Variants in COL5A2 observed in about 807,000 individuals in gnomAD.
COL5A2 encodes collagen alpha-2(V) chain.
In COL5A2, 23 loss-of-function variants were observed where a neutral mutation model predicts 208.2. That is an observed-to-expected ratio of 0.11 (90% confidence interval 0.08 to 0.16). The LOEUF is 0.16. Ranked by LOEUF, COL5A2 falls within the 10% of genes least tolerant of loss-of-function variation. The pLI, the probability that COL5A2 is intolerant of heterozygous loss-of-function variation, is 1.00. For missense variants in COL5A2, 1,590 were observed against 1,956.4 expected (o/e 0.81, Z 3.53); for synonymous variants, 625 against 628.5 (o/e 0.99, Z 0.08).
chr2:189,429,101 C>A, the COL5A2 span, among the ~76,000 whole-genome samples: 56 of 152,188 alleles, frequency 3.7e-4, no homozygotes, highest in East Asian at 0.01. Context: ...CTAAGAGAGT[C>A]AATGTTAAGT....
At chr2:189,367,753 G>A in the COL5A2 span, among the ~76,000 whole-genome samples, 1 of 152,164 alleles carries the variant, frequency 6.6e-6, no homozygotes, top group African/African-American at 2.4e-5. Context: ...TCAGATGTGT[G>A]TAATTCATCT....
At chr2:189,403,364 C>T in the COL5A2 span, among the ~76,000 whole-genome samples, 3 of 152,176 alleles carry the variant, frequency 2.0e-5, no homozygotes, top group Non-Finnish European at 2.9e-5. Context: ...AATGGTGATA[C>T]TTTGACTTCC....
intron 3 of COL5A2, among the ~76,000 whole-genome samples, chr2:189,103,023 G>T (rs1477802756): frequency 6.6e-6 from 1 of 151,978 alleles, no homozygotes; most frequent in African/African-American, 2.4e-5. Context: ...CTCTAAGTCG[G>T]GTAACTGCTA....
chr2:189,157,941 A>T (rs1461058715), intron 1 of COL5A2, among the ~76,000 whole-genome samples: 1 of 151,936 alleles, frequency 6.6e-6, no homozygotes, highest in East Asian at 1.9e-4. Flanking sequence ...CATTCTACAC[A>T]TCTGTGTTTT....
chr2:189,281,557 T>C, the COL5A2 span, among the ~76,000 whole-genome samples: 5 of 152,234 alleles, frequency 3.3e-5, no homozygotes, highest in Non-Finnish European at 5.9e-5. Flanking sequence ...CCAACTCATC[T>C]TCATGTTTGA....
chr2:189,321,182 G>A, the COL5A2 span, among the ~76,000 whole-genome samples: 1 of 152,166 alleles, frequency 6.6e-6, no homozygotes, highest in Non-Finnish European at 1.5e-5. Flanking sequence ...AACATGGAGA[G>A]GAACAACCAG....
At chr2:189,152,532 G>C (rs887089460) in intron 1 of COL5A2, among the ~76,000 whole-genome samples, 3 of 152,206 alleles carry the variant, frequency 2.0e-5, no homozygotes, top group Non-Finnish European at 4.4e-5. Context: ...GTGGAACACA[G>C]TCAGGTGTCC....
intron 3 of COL5A2, among the ~76,000 whole-genome samples, chr2:189,101,547 T>C (rs375722751): frequency 6.6e-6 from 1 of 152,124 alleles, no homozygotes. Context: ...TAATACCTTA[T>C]GATATGTTTT....
chr2:189,376,641 A>G, the COL5A2 span, among the ~76,000 whole-genome samples: 2 of 152,188 alleles, frequency 1.3e-5, no homozygotes, highest in Non-Finnish European at 2.9e-5. Context: ...CCTAATATAG[A>G]AAGGTTTGTA....
the COL5A2 span, among the ~76,000 whole-genome samples, chr2:189,370,650 C>T: frequency 6.6e-6 from 1 of 152,076 alleles, no homozygotes; most frequent in Non-Finnish European, 1.5e-5. Flanking sequence ...GCACATACAA[C>T]ACATACAACA....
chr2:189,390,581 T>C, the COL5A2 span, among the ~76,000 whole-genome samples: 1 of 152,122 alleles, frequency 6.6e-6, no homozygotes, highest in Admixed American at 6.6e-5. Flanking sequence ...GGTTATGAGA[T>C]AAAGGCAACA....
At chr2:189,162,064 T>C (rs1032392139) in intron 1 of COL5A2, among the ~76,000 whole-genome samples, 1 of 152,086 alleles carries the variant, frequency 6.6e-6, no homozygotes. Flanking sequence ...GGGGAGGCCT[T>C]CCCTGAGCTC....
the COL5A2 span, among the ~76,000 whole-genome samples, chr2:189,433,138 AC>A: frequency 1.3e-5 from 2 of 152,244 alleles, no homozygotes; most frequent in Non-Finnish European, 2.9e-5. Context: ...ACCAATGAGA[AC>A]AAAGATAAAA....
chr2:189,231,610 T>C, the COL5A2 span, among the ~76,000 whole-genome samples: 1 of 151,844 alleles, frequency 6.6e-6, no homozygotes, highest in African/African-American at 2.4e-5. Flanking sequence ...GAGTATCTTT[T>C]TTGTCTGATA....
chr2:189,195,212 C>T (rs1688984779), intron 1 of COL5A2, among the ~76,000 whole-genome samples: 1 of 152,150 alleles, frequency 6.6e-6, no homozygotes, highest in Non-Finnish European at 1.5e-5. Flanking sequence ...AACTCCCATT[C>T]ACAATTGCTA....
the COL5A2 span, among the ~76,000 whole-genome samples, chr2:189,404,159 A>C: frequency 6.6e-6 from 1 of 152,194 alleles, no homozygotes; most frequent in Non-Finnish European, 1.5e-5. Context: ...TGACTGAGCT[A>C]AGGAATGCCC....
chr2:189,076,172 A>G (rs945790234), intron 16 of COL5A2, among the ~76,000 whole-genome samples: 3 of 152,192 alleles, frequency 2.0e-5, no homozygotes, highest in South Asian at 4.1e-4. Context: ...ACAGTTTCTA[A>G]GAGCACTCAC....
the COL5A2 span, among the ~76,000 whole-genome samples, chr2:189,336,876 A>C: frequency 5.9e-5 from 9 of 152,338 alleles, no homozygotes; most frequent in South Asian, 2.1e-4. Context: ...AATAAACATA[A>C]AAAAACGTAA....
At chr2:189,145,490 T>C (rs941211371) in intron 1 of COL5A2, among the ~76,000 whole-genome samples, 4 of 152,098 alleles carry the variant, frequency 2.6e-5, no homozygotes, top group Non-Finnish European at 5.9e-5. Context: ...AATATCTAAT[T>C]TACAATTATG....
Sources: gnomAD v4.1 joint callset for allele counts (sites outside exome capture counted in the v4.1 genomes callset) on GRCh38, gnomAD v4.1.1 for gene constraint, MANE v1.5 for transcripts, NCBI Gene and HGNC (gene_info 2026-07-23, HGNC 2026-07-21) for gene names.